RAB3IL1: variants seen among roughly 807,000 people sequenced by gnomAD.
RAB3IL1 encodes guanine nucleotide exchange factor for Rab-3A.
In RAB3IL1, 37 loss-of-function variants were observed where a neutral mutation model predicts 49.2. That is an observed-to-expected ratio of 0.75 (90% CI 0.58 to 0.99). The LOEUF (loss-of-function observed/expected upper bound fraction) is 0.99, where lower values mean the gene tolerates loss of function less well. RAB3IL1 is among the 50% of genes least tolerant of loss of function. The pLI is 0.00. For synonymous variants in RAB3IL1, 193 were observed against 213.9 expected (o/e 0.90, Z 0.85); for missense variants, 484 against 513.0 (o/e 0.94, Z 0.55).
At chr11:61,904,993 G>C (rs1939114491) in intron 5 of RAB3IL1, 111 bp from the exon 6 acceptor site, 4 of 801,444 alleles carry the variant, frequency 5.0e-6, no homozygotes, top group Admixed American at 2.8e-5. Flanking sequence ...GGCCCAGCAA[G>C]CCAGCAGGTC....
chr11:61,920,216 C>A, upstream of RAB3IL1: 1 of 1,252,474 alleles, frequency 8.0e-7, no homozygotes, highest in South Asian at 3.3e-5. Context: ...GACTGAGGGT[C>A]CCTCTGGAGG....
intron 9 of RAB3IL1, 43 bp downstream of exon 9, chr11:61,899,271 C>T (rs1026028873): frequency 6.3e-7 from 1 of 1,580,720 alleles, no homozygotes; most frequent in African/African-American, 1.3e-5. Context: ...TCCAGCCCCA[C>T]TCCCGTGTGC....
At chr11:61,900,236 G>A (rs940622723) in intron 8 of RAB3IL1, among the ~76,000 whole-genome samples, 7 of 152,216 alleles carry the variant, frequency 4.6e-5, no homozygotes, top group South Asian at 2.1e-4. Context: ...GGACTCCCCC[G>A]TCCCTTCCCT....
intron 8 of RAB3IL1, 180 bp from the exon 9 acceptor site, chr11:61,899,560 A>G (rs1938796633): frequency 5.1e-6 from 3 of 593,336 alleles, no homozygotes; most frequent in South Asian, 4.1e-5. Flanking sequence ...GCCCTGCTGT[A>G]ATAGCAGCAG....
chr11:61,898,263 G>T lies in RAB3IL1; in HGVS notation c.*15C>A. ...TGCTCTGTCTCAGAGCTCCCCTTCA[G>T]GCCTGGGCCGCGCCCTAAGCCTCCT... On this transcript the variant is annotated 3_prime_UTR_variant, in exon 10 of 10. Coordinates refer to ENST00000394836, the MANE Select transcript of RAB3IL1 (RefSeq NM_013401.4). This position sits in a 1 kb window ranked among gnomAD's most constrained non-coding sequence, Gnocchi z 5.1. The T allele has an allele frequency of 6.2e-7, 1 of 1,611,064 alleles. No individual in the cohort carries two copies.
At chr11:61,900,351 A>C (rs1591214965) in intron 8 of RAB3IL1, among the ~76,000 whole-genome samples, 1 of 152,242 alleles carries the variant, frequency 6.6e-6, no homozygotes, top group African/African-American at 2.4e-5. Context: ...CGCCCGCAAC[A>C]GCCCCTACTG....
At chr11:61,909,816 C>G (rs1209983543) in intron 1 of RAB3IL1, among the ~76,000 whole-genome samples, 1 of 152,212 alleles carries the variant, frequency 6.6e-6, no homozygotes, top group Non-Finnish European at 1.5e-5. Flanking sequence ...TTAAAATTCT[C>G]TCAACAGCAG....
chr11:61,915,224 T>C (rs1313010312), intron 1 of RAB3IL1, among the ~76,000 whole-genome samples: 1 of 152,088 alleles, frequency 6.6e-6, no homozygotes, highest in African/African-American at 2.4e-5. Context: ...ATGCAGGAAG[T>C]GAGCCATACT....
the RAB3IL1 span, among the ~76,000 whole-genome samples, chr11:61,937,292 T>C: frequency 6.6e-5 from 10 of 152,222 alleles, no homozygotes; most frequent in South Asian, 1.9e-3. Flanking sequence ...TTAAATATTA[T>C]TATTTAAATT....
In RAB3IL1 at chr11:61,898,410, C is replaced by T. The variant is rs1189168983; in HGVS notation, c.1067-50G>A. The stretch of plus-strand genomic sequence containing the variant: ...GGTCGGGGACAGCTCAGGGTCACCT[C>T]GGGCAGATGGCCAGGTCCCCTCCTG... On this transcript the variant is annotated intron_variant, in intron 9 of 9. Coordinates refer to ENST00000394836, the MANE Select transcript of RAB3IL1 (RefSeq NM_013401.4). This position sits in a 1 kb window ranked among gnomAD's most constrained non-coding sequence, Gnocchi z 5.1. The T allele has an allele frequency of 1.1e-5, 16 of 1,519,184 alleles. No individual in the cohort carries two copies. The highest frequency in any genetic ancestry group is 2.2e-5 in the South Asian group (2 of 89,066). 94.1% of individuals were successfully genotyped at this position (1,519,184 alleles called of 1,614,324 possible).
At chr11:61,934,029 GA>G in the RAB3IL1 span, among the ~76,000 whole-genome samples, 1 of 152,098 alleles carries the variant, frequency 6.6e-6, no homozygotes, top group African/African-American at 2.4e-5. Context: ...AATGTTACTA[GA>G]AACTGAAGGA....
At position 61,899,360 on chromosome 11, in the gene RAB3IL1, G is replaced by A. The variant is rs745743430; in HGVS notation, c.1020C>T (p.Phe340=). The A allele has an allele frequency of 1.2e-6, 2 of 1,609,556 alleles. No homozygotes were observed. The highest frequency in any genetic ancestry group is 2.2e-5 in the South Asian group (2 of 90,982). Residue 340 remains phenylalanine, a synonymous_variant, in exon 9 of 10, where the codon TTC becomes TTT. Coordinates refer to ENST00000394836, the MANE Select transcript of RAB3IL1 (RefSeq NM_013401.4). ...SRARITAVCN[F]FTYIRYIQQG... ...GCTGGATGTAGCGGATGTAGGTGAA[G>A]AAGTTGCACACTGCGGTGATCTGTG...
intron 1 of RAB3IL1, among the ~76,000 whole-genome samples, chr11:61,910,799 T>C (rs1200671066): frequency 6.6e-6 from 1 of 152,226 alleles, no homozygotes; most frequent in Non-Finnish European, 1.5e-5. Flanking sequence ...TTAATCATCA[T>C]GGCCCAAGTC....
At chr11:61,922,126 G>A (rs1005757464), upstream of RAB3IL1, among the ~76,000 whole-genome samples, 1 of 150,778 alleles carries the variant, frequency 6.6e-6, no homozygotes, top group African/African-American at 2.4e-5. Flanking sequence ...GGAGAATGGC[G>A]TGAATCTGGG....
intron 2 of RAB3IL1, 23 bp from the exon 3 acceptor site, chr11:61,907,683 T>C (rs760045540): frequency 4.3e-6 from 7 of 1,609,536 alleles, no homozygotes; most frequent in African/African-American, 1.3e-5. Flanking sequence ...AGGCAGGCAC[T>C]TGAGCACCTC....
intron 7 of RAB3IL1, among the ~76,000 whole-genome samples, chr11:61,903,698 A>G (rs540686291): frequency 1.9e-4 from 29 of 152,012 alleles, no homozygotes; most frequent in African/African-American, 7.0e-4. Flanking sequence ...TAACTTTTAT[A>G]TCTTTAGTAG....
chr11:61,939,380 C>T, the RAB3IL1 span, among the ~76,000 whole-genome samples: 1 of 151,934 alleles, frequency 6.6e-6, no homozygotes, highest in Non-Finnish European at 1.5e-5. Flanking sequence ...AAGCAGTACT[C>T]AAAGGGAAAT....
At chr11:61,926,790 T>G in the RAB3IL1 span, among the ~76,000 whole-genome samples, 16 of 152,084 alleles carry the variant, frequency 1.1e-4, no homozygotes, top group African/African-American at 3.4e-4. Flanking sequence ...CCTGACCCTG[T>G]GATCTGCCCG....
chr11:61,908,097 T>G lies in RAB3IL1; in HGVS notation c.221A>C (p.Lys74Thr). The change falls in exon 2 of 10, where the codon AAG (lysine) becomes ACG (threonine). Residue 74 changes from lysine (K) to threonine (T), a missense_variant. Transcript: ENST00000394836. Reference sequence around the variant, plus strand: ...CTCCTCCTTCAGGAACTCGGAGCCCTTCTCTCGGATCTCCATGGAAGAGCT... The same window carrying G: ...CTCCTCCTTCAGGAACTCGGAGCCCGTCTCTCGGATCTCCATGGAAGAGCT... ...LRSSSMEIRE[K>T]GSEFLKEELH... 6.2e-7 allele frequency: 1 copy of G among 1,611,080 alleles called. No homozygotes were observed. Among genetic ancestry groups the G allele is most frequent in the East Asian group, 2.2e-5 (1 of 44,836 alleles).
Sources: gnomAD v4.1 joint callset for allele counts (sites outside exome capture counted in the v4.1 genomes callset) on GRCh38, gnomAD v4.1.1 for gene constraint, Gnocchi (gnomAD v3.1) non-coding constraint, MANE v1.5 for transcripts, NCBI Gene and HGNC (gene_info 2026-07-23, HGNC 2026-07-21) for gene names.